PCDH15: variants seen among roughly 807,000 people sequenced by gnomAD.
The protein encoded by PCDH15 is protocadherin related 15, also known as protocadherin-15.
Under a neutral mutation model 178.5 loss-of-function variants are expected in PCDH15, and 129 were observed. That is an observed-to-expected ratio of 0.72 (90% confidence interval 0.63 to 0.84). The LOEUF (loss-of-function observed/expected upper bound fraction) is 0.84. Ranked by LOEUF, PCDH15 falls within the 40% of genes least tolerant of loss-of-function variation. PCDH15 has a pLI of 0.00. For synonymous variants in PCDH15, 800 were observed against 732.0 expected (o/e 1.09, Z -1.50); for missense variants, 2,230 against 2,099.9 (o/e 1.06, Z -1.21).
chr10:54,508,366 T>A (rs1589778698), intron 3 of PCDH15, among the ~76,000 whole-genome samples: 1 of 151,944 alleles, frequency 6.6e-6, no homozygotes, highest in South Asian at 2.1e-4. Context: ...AGAAAAAAAC[T>A]GGGCAAGCCT....
chr10:55,356,538 T>C (rs1050455258), intron 2 of PCDH15, among the ~76,000 whole-genome samples: 4 of 151,864 alleles, frequency 2.6e-5, no homozygotes, highest in African/African-American at 7.2e-5. Context: ...AATTTAAATA[T>C]CTATAAAACA....
At chr10:54,366,801 T>C (rs796225062) in intron 5 of PCDH15, among the ~76,000 whole-genome samples, 1 of 152,008 alleles carries the variant, frequency 6.6e-6, no homozygotes. Flanking sequence ...CATTTGATAT[T>C]ATCAAACCAT....
At chr10:55,329,467 C>CA (rs1205837607) in intron 2 of PCDH15, among the ~76,000 whole-genome samples, 5 of 149,646 alleles carry the variant, frequency 3.3e-5, no homozygotes, top group African/African-American at 7.3e-5. Flanking sequence ...GTCTTGAAAG[C>CA]AAAAAAAAAT....
chr10:54,018,649 CACATT>C (rs2135262331), intron 20 of PCDH15, among the ~76,000 whole-genome samples: 1 of 152,198 alleles, frequency 6.6e-6, no homozygotes, highest in South Asian at 2.1e-4. Context: ...TCAGCTCTTA[CACATT>C]TTAGCGACTA....
intron 2 of PCDH15, among the ~76,000 whole-genome samples, chr10:54,558,192 GACT>G (rs1377031196): frequency 4.6e-5 from 7 of 152,088 alleles, no homozygotes; most frequent in Non-Finnish European, 7.4e-5. Flanking sequence ...GTTGAAAAAT[GACT>G]ACAAGAGAGT....
rs771402338 is a variant in PCDH15 at position 54,234,506 on chromosome 10, T to C, written c.985+2317A>G. ...AAGTCGAAGCTTCAATGAGCTATGA[T>C]TGTGCCGCTGCACTCCAGTGCGGGT... On this transcript the variant is annotated intron_variant, in intron 9 of 37. Coordinates refer to ENST00000644397, the MANE Select transcript of PCDH15 (RefSeq NM_001384140.1). Among the ~76,000 whole-genome samples the C allele has an allele frequency of 2.2e-4, 34 of 152,210 alleles. 1 individual carries two copies. In the Middle Eastern group the frequency reaches 0.01, roughly 46 times the overall value.
chr10:55,319,313 G>A (rs1843821311), intron 1 of PCDH15, among the ~76,000 whole-genome samples: 1 of 152,138 alleles, frequency 6.6e-6, no homozygotes, highest in African/African-American at 2.4e-5. Context: ...ATATTTAAAT[G>A]CAAGTATATA....
At chr10:55,437,175 T>C (rs1839061364) in intron 2 of PCDH15, among the ~76,000 whole-genome samples, 1 of 152,100 alleles carries the variant, frequency 6.6e-6, no homozygotes. Context: ...CCATCACTCT[T>C]ATCCAGATTT....
chr10:54,027,870 C>T (rs965952001), intron 18 of PCDH15, among the ~76,000 whole-genome samples: 5 of 146,786 alleles, frequency 3.4e-5, no homozygotes, highest in African/African-American at 1.3e-4. Context: ...CCATTCAGGA[C>T]ATAGGCATGG....
chr10:54,115,481 A>G (rs568769857), intron 15 of PCDH15, among the ~76,000 whole-genome samples: 3 of 152,364 alleles, frequency 2.0e-5, no homozygotes, highest in Admixed American at 6.5e-5. Context: ...TTCAGCTATC[A>G]GTCCTATTCA....
intron 2 of PCDH15, among the ~76,000 whole-genome samples, chr10:55,360,863 A>G (rs1845210339): frequency 6.6e-6 from 1 of 152,030 alleles, no homozygotes; most frequent in African/African-American, 2.4e-5. Context: ...ATGCATAGTT[A>G]AGCTCATGAA....
At chr10:54,376,883 G>T (rs974845524) in intron 4 of PCDH15, among the ~76,000 whole-genome samples, 3 of 152,042 alleles carry the variant, frequency 2.0e-5, no homozygotes, top group Middle Eastern at 3.4e-3. Context: ...GTAGAAAGAT[G>T]CATGTACAAA....
chr10:55,473,399 G>A (rs1840003777), intron 2 of PCDH15, among the ~76,000 whole-genome samples: 1 of 151,892 alleles, frequency 6.6e-6, no homozygotes, highest in South Asian at 2.1e-4. Flanking sequence ...ACAAGCCAGT[G>A]CAATCTCAGC....
chr10:54,824,980 C>G (rs765229302), intron 3 of PCDH15, among the ~76,000 whole-genome samples: 46 of 151,966 alleles, frequency 3.0e-4, no homozygotes, highest in Middle Eastern at 3.4e-3. Context: ...CCATTAACTC[C>G]TCATTTAGCA....
chr10:54,450,240 C>A (rs573326723), intron 3 of PCDH15, among the ~76,000 whole-genome samples: 345 of 149,784 alleles, frequency 2.3e-3, no homozygotes, highest in Middle Eastern at 3.5e-3. Flanking sequence ...GTGTGCTGCA[C>A]CCATTAACTC....
At chr10:55,097,502 C>T (rs2132041863) in intron 2 of PCDH15, among the ~76,000 whole-genome samples, 1 of 152,186 alleles carries the variant, frequency 6.6e-6, no homozygotes, top group East Asian at 1.9e-4. Flanking sequence ...TCAGTCCTCT[C>T]CAGTGGGGGT....
intron 3 of PCDH15, among the ~76,000 whole-genome samples, chr10:54,524,176 T>G (rs987427657): frequency 6.6e-6 from 1 of 152,198 alleles, no homozygotes; most frequent in Middle Eastern, 3.2e-3. Context: ...TTGGTTGATG[T>G]TGCTTTCAAA....
intron 8 of PCDH15, among the ~76,000 whole-genome samples, chr10:54,275,582 A>T (rs972683165): frequency 2.0e-5 from 3 of 151,870 alleles, no homozygotes; most frequent in Non-Finnish European, 4.4e-5. Context: ...CAAGTCATAA[A>T]CCTAGTAATA....
At position 55,222,330 on chromosome 10, in the gene PCDH15, T is replaced by C. The variant is rs534415883; in HGVS notation, c.-155-55679A>G. Among the ~76,000 whole-genome samples, 27 of 152,096 alleles carry C rather than the reference T, an allele frequency of 1.8e-4. No individual in the cohort carries two copies. The South Asian group carries it at 5.6e-3, about 32-fold the overall frequency. ...TAACTTGTTTTGAATAGTAGTTATA[T>C]GGGTGTATTCCATTATCAAAATGTA... On this transcript the variant is annotated intron_variant, in intron 1 of 5. Coordinates refer to the PCDH15 transcript ENST00000458638.
Sources: allele counts gnomAD v4.1 joint callset (sites outside exome capture counted in the v4.1 genomes callset), GRCh38; gene constraint gnomAD v4.1.1; transcripts MANE v1.5; gene names NCBI Gene and HGNC (gene_info 2026-07-23, HGNC 2026-07-21).